The following DNM2 variants were observed in gnomAD, a reference collection of about 807,000 sequenced individuals.
DNM2 encodes dynamin-2.
Under a neutral mutation model 99.0 loss-of-function variants are expected in DNM2, and 15 were observed. That is an observed-to-expected ratio of 0.15 (90% CI 0.10 to 0.23). DNM2 has a LOEUF of 0.23. DNM2 is among the 10% of genes least tolerant of loss of function. The pLI, the probability that DNM2 is intolerant of heterozygous loss-of-function variation, is 1.00. For missense variants in DNM2, 742 were observed against 1,189.4 expected (o/e 0.62, Z 5.53); for synonymous variants, 525 against 481.2 (o/e 1.09, Z -1.19).
chr19:10,773,776 T>C lies in DNM2; in HGVS notation c.385+1148T>C, dbSNP rs375441099. 1.9e-3 allele frequency among the ~76,000 whole-genome samples: 283 copies of C among 152,026 alleles called. 1 individual carries two copies. The highest frequency in any genetic ancestry group is 6.5e-3 in the African/African-American group (268 of 41,488). ...AGCCACCACGCCCAGCCCATTCAGC[T>C]ACTTTTTTGTATTTTTAGTAGAGAT... On this transcript the variant is annotated intron_variant, in intron 3 of 20. Transcript: ENST00000389253.
chr19:10,828,151 T>C (rs2073210032), intron 18 of DNM2, among the ~76,000 whole-genome samples: 1 of 150,308 alleles, frequency 6.7e-6, no homozygotes, highest in East Asian at 2.0e-4. Context: ...TAGCCGGGGG[T>C]TGGGGGGCAC....
chr19:10,726,812 G>A (rs1410401562), intron 1 of DNM2, among the ~76,000 whole-genome samples: 3 of 152,148 alleles, frequency 2.0e-5, no homozygotes, highest in Non-Finnish European at 4.4e-5. Flanking sequence ...GCGGTAAGCC[G>A]AGATTGCGCC....
At chr19:10,807,905 G>T (rs1233193304) in intron 13 of DNM2, among the ~76,000 whole-genome samples, 1 of 151,286 alleles carries the variant, frequency 6.6e-6, no homozygotes, top group East Asian at 2.0e-4. Flanking sequence ...CACTTTGGGA[G>T]GCCGAGGCGG....
At chr19:10,779,467 T>G (rs1380644981) in intron 5 of DNM2, among the ~76,000 whole-genome samples, 2 of 149,170 alleles carry the variant, frequency 1.3e-5, no homozygotes, top group Non-Finnish European at 1.5e-5. Context: ...CTTGCTGTTA[T>G]AAGTTTTTTT....
intron 12 of DNM2, among the ~76,000 whole-genome samples, chr19:10,804,164 G>T (rs2072256721): frequency 6.6e-6 from 1 of 152,134 alleles, no homozygotes; most frequent in African/African-American, 2.4e-5. Context: ...CTTCTGATTA[G>T]ATCCAGGCCC....
intron 15 of DNM2, among the ~76,000 whole-genome samples, chr19:10,814,186 T>C (rs2072653688): frequency 6.6e-6 from 1 of 150,756 alleles, no homozygotes. Flanking sequence ...AAAAACAGGC[T>C]GGGCGCAGTG....
intron 10 of DNM2, among the ~76,000 whole-genome samples, chr19:10,797,728 C>T (rs2071988772): frequency 2.6e-5 from 4 of 152,186 alleles, no homozygotes; most frequent in Admixed American, 2.6e-4. Flanking sequence ...GGGCGGTCAG[C>T]CTTTGTTGTT....
intron 18 of DNM2, among the ~76,000 whole-genome samples, 184 bp downstream of exon 18, chr19:10,825,405 T>A (rs1050529346): frequency 1.3e-5 from 2 of 151,910 alleles, no homozygotes; most frequent in African/African-American, 4.8e-5. Flanking sequence ...GCGCGGTGGC[T>A]CACACCTGTA....
chr19:10,831,074 G>A lies in DNM2; in HGVS notation c.*27G>A, dbSNP rs752613834. 8.2e-6 allele frequency: 13 copies of A among 1,581,076 alleles called. No homozygotes were observed. Among genetic ancestry groups the A allele is most frequent in the African/African-American group, 1.3e-5 (1 of 74,200 alleles). ...CCTCGAGGGGGGCGTGCTCTCGGGG[G>A]GGCCTCACGCACCCGCGGCGCAGGA... On this transcript the variant is annotated 3_prime_UTR_variant, in exon 21 of 21. Coordinates refer to ENST00000389253, the MANE Select transcript of DNM2 (RefSeq NM_001005361.3). This position sits in a 1 kb window ranked among gnomAD's most constrained non-coding sequence, Gnocchi z 4.3.
In DNM2 at chr19:10,817,508, T is replaced by C; in HGVS notation, c.1672-2472T>C. ...AACACTGGGTTGGCGGGGCCGGCTATCCATCCTGCAGAACCCCCCAGGCAG... is the reference window on the plus strand; with the variant it reads ...AACACTGGGTTGGCGGGGCCGGCTACCCATCCTGCAGAACCCCCCAGGCAG... On this transcript the variant is annotated intron_variant, in intron 15 of 20. Coordinates refer to ENST00000389253, the MANE Select transcript of DNM2 (RefSeq NM_001005361.3). This position sits in a 1 kb window ranked among gnomAD's most constrained non-coding sequence, Gnocchi z 4.6. The C allele has an allele frequency of 2.2e-6, 1 of 456,334 alleles. No individual in the cohort carries two copies. Among genetic ancestry groups the C allele is most frequent in the East Asian group, 8.3e-5 (1 of 12,052 alleles). The allele number at this position is 456,334 out of a possible 1,614,324, so 28.3% of individuals were successfully genotyped here.
At chr19:10,807,359 C>T (rs2072375140) in intron 13 of DNM2, among the ~76,000 whole-genome samples, 1 of 151,966 alleles carries the variant, frequency 6.6e-6, no homozygotes, top group Non-Finnish European at 1.5e-5. Flanking sequence ...TCTGCCTCAG[C>T]CTCCTGAGTA....
chr19:10,735,202 G>A (rs983397036), intron 1 of DNM2, among the ~76,000 whole-genome samples: 9 of 151,920 alleles, frequency 5.9e-5, no homozygotes, highest in East Asian at 1.9e-4. Context: ...CACCATGCCC[G>A]GCTAATTTTT....
chr19:10,779,490 C>CTTTT (rs1156443374), intron 5 of DNM2, among the ~76,000 whole-genome samples: 3 of 77,030 alleles, frequency 3.9e-5, no homozygotes, highest in African/African-American at 1.5e-4. Flanking sequence ...TTCTTTCTTT[C>CTTTT]TTTCTTTCTT....
At chr19:10,829,684 C>G (rs1347397098) in intron 19 of DNM2, among the ~76,000 whole-genome samples, 1 of 152,138 alleles carries the variant, frequency 6.6e-6, no homozygotes, top group African/African-American at 2.4e-5. Flanking sequence ...TCCATTGAGG[C>G]CGTCGGGCAG....
intron 1 of DNM2, among the ~76,000 whole-genome samples, chr19:10,748,389 C>T (rs988186353): frequency 1.3e-5 from 2 of 152,130 alleles, no homozygotes; most frequent in African/African-American, 2.4e-5. Flanking sequence ...AGGGGAGCCC[C>T]AGGTCTGCAG....
chr19:10,782,277 A>G (rs993939131), intron 5 of DNM2, among the ~76,000 whole-genome samples: 1 of 151,702 alleles, frequency 6.6e-6, no homozygotes, highest in African/African-American at 2.4e-5. Flanking sequence ...CAAGCGTTCC[A>G]CCCGCCTCGG....
rs370816134 is a variant in DNM2 at position 10,759,693 on chromosome 19, G to A, written c.162-45G>A. ...CATGTGGTCACACTTCCTGCCCCTCGATCCGGACGCAAGAGTAATTTCTGT... is the reference window on the plus strand; with the variant it reads ...CATGTGGTCACACTTCCTGCCCCTCAATCCGGACGCAAGAGTAATTTCTGT... On this transcript the variant is annotated intron_variant, in intron 1 of 20. Coordinates refer to ENST00000389253, the MANE Select transcript of DNM2 (RefSeq NM_001005361.3). The A allele has an allele frequency of 4.8e-5, 78 of 1,612,646 alleles. No homozygotes were observed. In the African/African-American group the frequency reaches 8.0e-4, roughly 17 times the overall value.
intron 7 of DNM2, among the ~76,000 whole-genome samples, chr19:10,790,507 C>T (rs894853494): frequency 6.6e-6 from 1 of 152,144 alleles, no homozygotes; most frequent in African/African-American, 2.4e-5. Flanking sequence ...GAGTCTCGCT[C>T]TGTCACCCAG....
At chr19:10,791,867 C>G (rs2071764962) in intron 7 of DNM2, among the ~76,000 whole-genome samples, 1 of 152,192 alleles carries the variant, frequency 6.6e-6, no homozygotes, top group African/African-American at 2.4e-5. Context: ...GGGCGGATCA[C>G]TTGAGGTCAG....
Sources: allele counts gnomAD v4.1 joint callset (sites outside exome capture counted in the v4.1 genomes callset), GRCh38; gene constraint gnomAD v4.1.1; non-coding constraint Gnocchi (gnomAD v3.1); transcripts MANE v1.5; gene names NCBI Gene and HGNC (gene_info 2026-07-23, HGNC 2026-07-21).